CAPN1: variants seen among roughly 807,000 people sequenced by gnomAD.
The protein encoded by CAPN1 is calpain 1, also known as calpain-1 catalytic subunit.
A neutral mutation model predicts 105.2 loss-of-function variants in CAPN1; 77 were observed. The observed-to-expected ratio is 0.73, with a 90% CI of 0.61 to 0.88. CAPN1 has a LOEUF of 0.88. Ranked by LOEUF, CAPN1 falls within the 40% of genes least tolerant of loss-of-function variation. The pLI is 0.00. For missense variants in CAPN1, 833 were observed against 976.6 expected (o/e 0.85, Z 1.96); for synonymous variants, 355 against 388.8 (o/e 0.91, Z 1.02).
intron 10 of CAPN1, among the ~76,000 whole-genome samples, chr11:65,197,754 G>T (rs879762547): frequency 2.0e-5 from 3 of 152,026 alleles, no homozygotes; most frequent in Non-Finnish European, 4.4e-5. Context: ...GGGCAAGGTG[G>T]GTAGGTGCCT....
At chr11:65,193,454 G>A (rs1435067028) in intron 10 of CAPN1, among the ~76,000 whole-genome samples, 2 of 151,254 alleles carry the variant, frequency 1.3e-5, no homozygotes, top group Non-Finnish European at 2.9e-5. Flanking sequence ...GACCATCCTG[G>A]CCAACACAGT....
At chr11:65,193,841 C>G (rs542730594) in intron 10 of CAPN1, among the ~76,000 whole-genome samples, 1 of 151,880 alleles carries the variant, frequency 6.6e-6, no homozygotes, top group Non-Finnish European at 1.5e-5. Flanking sequence ...GTGATCCTCT[C>G]ACTTCAGCCT....
At chr11:65,187,363 C>T (rs1948649326) in intron 7 of CAPN1, 65 bp downstream of exon 7, 8 of 1,103,688 alleles carry the variant, frequency 7.2e-6, no homozygotes, top group South Asian at 2.6e-5. Context: ...CCTTGCCTCT[C>T]TGGCACCTGA....
intron 10 of CAPN1, among the ~76,000 whole-genome samples, chr11:65,203,897 A>G (rs994083278): frequency 1.3e-5 from 2 of 151,700 alleles, no homozygotes; most frequent in African/African-American, 4.8e-5. Context: ...ATTATTGTCA[A>G]TGGAGGGCAG....
Position 65,209,660 on chromosome 11 carries a change from TC to T in CAPN1, c.1795-187del, listed in dbSNP as rs2137399462. 1 of 660,408 alleles carries T rather than the reference TC, an allele frequency of 1.5e-6. No homozygotes were observed. The highest frequency in any genetic ancestry group is 1.9e-5 in the South Asian group (1 of 53,910). 40.9% of individuals were successfully genotyped at this position (660,408 alleles called of 1,614,324 possible). On this transcript the variant is annotated intron_variant, in intron 17 of 21. Coordinates refer to ENST00000279247, the MANE Select transcript of CAPN1 (RefSeq NM_005186.4). This position sits in a 1 kb window ranked among gnomAD's most constrained non-coding sequence, Gnocchi z 4.1. ...TATTTCTGACCCCTCCCCAGCCCACTCCACTGCAGCCCAGCTCAGAGAATAA... is the reference window on the plus strand; with the variant it reads ...TATTTCTGACCCCTCCCCAGCCCACTCACTGCAGCCCAGCTCAGAGAATAA...
chr11:65,208,335 T>C lies in CAPN1; in HGVS notation c.1729+73T>C, dbSNP rs1948995281. The C allele has an allele frequency of 2.2e-6, 3 of 1,372,680 alleles. No homozygotes were observed. Among genetic ancestry groups the C allele is most frequent in the Admixed American group, 2.0e-5 (1 of 50,806 alleles). The allele number at this position is 1,372,680 out of a possible 1,614,324, so 85.0% of individuals were successfully genotyped here. The stretch of plus-strand genomic sequence containing the variant: ...CAGAATCCAGGCTCCTGCTCACACA[T>C]TGAGCTGAACCTCATCCCTTGGTCT... On this transcript the variant is annotated intron_variant, in intron 16 of 21. Transcript: ENST00000279247. The surrounding 1 kb of genome is among the most constrained non-coding windows in gnomAD (Gnocchi z 4.1).
At chr11:65,195,806 T>C (rs892733114) in intron 10 of CAPN1, among the ~76,000 whole-genome samples, 1 of 152,142 alleles carries the variant, frequency 6.6e-6, no homozygotes, top group African/African-American at 2.4e-5. Context: ...TGAGGATTGG[T>C]GTTAATTTGT....
Position 65,211,777 on chromosome 11 carries a change from C to T in CAPN1, c.*491C>T, listed in dbSNP as rs114736414. On this transcript the variant is annotated 3_prime_UTR_variant, in exon 22 of 22. Coordinates refer to ENST00000279247, the MANE Select transcript of CAPN1 (RefSeq NM_005186.4). ...CTGTGCCTTCCTGCGCCGAAGCCAACGCCCCCTCTGTCCTTCCCTGGCCCT... is the reference window on the plus strand; with the variant it reads ...CTGTGCCTTCCTGCGCCGAAGCCAATGCCCCCTCTGTCCTTCCCTGGCCCT... 1,430 of 165,406 alleles carry T rather than the reference C, an allele frequency of 8.6e-3. 17 individuals carry two copies. The highest frequency in any genetic ancestry group is 0.031 in the African/African-American group (1,313 of 42,224). 10.2% of individuals were successfully genotyped at this position (165,406 alleles called of 1,614,324 possible).
intron 14 of CAPN1, among the ~76,000 whole-genome samples, chr11:65,207,199 CTTTTTTTTTT>C (rs34786351): frequency 1.8e-5 from 2 of 113,358 alleles, no homozygotes; most frequent in East Asian, 2.5e-4. Context: ...AAACTCTTGC[CTTTTTTTTTT>C]TTTTTTTTTT....
At position 65,211,838 on chromosome 11, in the gene CAPN1, C is replaced by T. The variant is rs770583521; in HGVS notation, c.*552C>T. The T allele has an allele frequency of 5.7e-5, 9 of 158,928 alleles. No homozygotes were observed. The highest frequency in any genetic ancestry group is 1.8e-4 in the South Asian group (1 of 5,434). The allele number at this position is 158,928 out of a possible 1,614,324, so 9.8% of individuals were successfully genotyped here. A position where few individuals can be genotyped will look rare whatever the true frequency, so the allele number is the denominator to read the frequency against. ...AGGAGCTGCCCAGCCTGTGGGCGGTCGGCCTTCCCTCCTTCGCTCCTTTTT... is the reference window on the plus strand; with the variant it reads ...AGGAGCTGCCCAGCCTGTGGGCGGTTGGCCTTCCCTCCTTCGCTCCTTTTT... On this transcript the variant is annotated 3_prime_UTR_variant, in exon 22 of 22. Transcript: ENST00000279247.
In CAPN1 at chr11:65,209,219, G is replaced by C; in HGVS notation, c.1730-104G>C. The C allele has an allele frequency of 1.2e-6, 1 of 821,034 alleles. No individual in the cohort carries two copies. 50.9% of individuals were successfully genotyped at this position (821,034 alleles called of 1,614,324 possible). A position where few individuals can be genotyped will look rare whatever the true frequency, so the allele number is the denominator to read the frequency against. ...CCTCTGCCAGATATTGCACCCACTC[G>C]TCAGGATTTGTGCGTCCTTGACTCT... On this transcript the variant is annotated intron_variant, in intron 16 of 21. Coordinates refer to ENST00000279247, the MANE Select transcript of CAPN1 (RefSeq NM_005186.4). The surrounding 1 kb of genome is among the most constrained non-coding windows in gnomAD (Gnocchi z 4.1).
Position 65,210,777 on chromosome 11 carries a change from G to A in CAPN1, c.2060-37G>A. On this transcript the variant is annotated intron_variant, in intron 20 of 21. Coordinates refer to ENST00000279247, the MANE Select transcript of CAPN1 (RefSeq NM_005186.4). This position sits in a 1 kb window ranked among gnomAD's most constrained non-coding sequence, Gnocchi z 4.3. ...TGGCCCTGCGTGAATATCCCACTGAGTTTTCAGCCCTGTATCACCTTTTCT... is the reference window on the plus strand; with the variant it reads ...TGGCCCTGCGTGAATATCCCACTGAATTTTCAGCCCTGTATCACCTTTTCT... 3 of 1,576,712 alleles carry A rather than the reference G, an allele frequency of 1.9e-6. No individual in the cohort carries two copies. The South Asian group carries it at 3.3e-5, about 17-fold the overall frequency.
chr11:65,208,557 C>T lies in CAPN1; in HGVS notation c.1729+295C>T, dbSNP rs371480696. 2.4e-5 allele frequency: 12 copies of T among 490,050 alleles called. No individual in the cohort carries two copies. The highest frequency in any genetic ancestry group is 7.8e-5 in the African/African-American group (4 of 51,366). 30.4% of individuals were successfully genotyped at this position (490,050 alleles called of 1,614,324 possible). A position where few individuals can be genotyped will look rare whatever the true frequency, so the allele number is the denominator to read the frequency against. ...CACTCTGGGAGGCCGAGGCAGGAGT[C>T]GCTTCAGCCCAGGAGTTCAACACCA... is the stretch of plus-strand genomic sequence containing the variant. On this transcript the variant is annotated intron_variant, in intron 16 of 21. Coordinates refer to ENST00000279247, the MANE Select transcript of CAPN1 (RefSeq NM_005186.4). The surrounding 1 kb of genome is among the most constrained non-coding windows in gnomAD (Gnocchi z 4.1).
chr11:65,205,571 C>T (rs968505318), intron 11 of CAPN1, 139 bp from the exon 12 acceptor site: 2 of 797,994 alleles, frequency 2.5e-6, no homozygotes, highest in African/African-American at 3.4e-5. Context: ...GGGACCAGAT[C>T]TGGGTCCCCA....
chr11:65,187,170 C>CG, intron 6 of CAPN1, 45 bp from the exon 7 acceptor site: 2 of 1,417,344 alleles, frequency 1.4e-6, no homozygotes, highest in Non-Finnish European at 9.9e-7. Context: ...TCTGATAGGG[C>CG]GGGGGGACCT....
In CAPN1 at chr11:65,188,167, C is replaced by T; in HGVS notation, c.929+127C>T. ...AGCAGAGGGGCCCATCTTCGCGCGA[C>T]TGGGTCTGGGGGACTGCTCTGACAA... On this transcript the variant is annotated intron_variant, in intron 8 of 21. Coordinates refer to ENST00000279247, the MANE Select transcript of CAPN1 (RefSeq NM_005186.4). This position sits in a 1 kb window ranked among gnomAD's most constrained non-coding sequence, Gnocchi z 5.5. The T allele has an allele frequency of 1.3e-6, 1 of 745,246 alleles. No individual in the cohort carries two copies. The allele number at this position is 745,246 out of a possible 1,614,324, so 46.2% of individuals were successfully genotyped here. A position where few individuals can be genotyped will look rare whatever the true frequency, so the allele number is the denominator to read the frequency against.
At position 65,183,506 on chromosome 11, in the gene CAPN1, C is replaced by G. The variant is rs370999727; in HGVS notation, c.370C>G (p.Leu124Val). ...CTGGCTCTTGGCGGCCATCGCCTCC[C>G]TCACTCTCAACGACACCCTCCTGCA... ...DCWLLAAIAS[L>V]TLNDTLLHRV... Residue 124 changes from leucine to valine, a missense_variant, in exon 4 of 22, where the codon CTC becomes GTC. Transcript: ENST00000279247. 3 of 1,613,770 alleles carry G rather than the reference C, an allele frequency of 1.9e-6. No homozygotes were observed. Among genetic ancestry groups the G allele is most frequent in the Non-Finnish European group, 2.5e-6 (3 of 1,179,780 alleles).
intron 10 of CAPN1, among the ~76,000 whole-genome samples, chr11:65,191,475 T>C (rs1468152690): frequency 6.6e-6 from 1 of 152,190 alleles, no homozygotes. Flanking sequence ...GCTTCCCTGG[T>C]TCAAGTGATT....
At chr11:65,181,645 G>T (rs1327857420), upstream of CAPN1, 2 of 337,802 alleles carry the variant, frequency 5.9e-6, no homozygotes, top group Non-Finnish European at 1.2e-5. The surrounding 1 kb of genome is among the most constrained non-coding windows in gnomAD (Gnocchi z 4.6). Context: ...TCCGTTCCCC[G>T]CGGTGCCCTT....
Sources: allele counts gnomAD v4.1 joint callset (sites outside exome capture counted in the v4.1 genomes callset), GRCh38; gene constraint gnomAD v4.1.1; non-coding constraint Gnocchi (gnomAD v3.1); transcripts MANE v1.5; gene names NCBI Gene and HGNC (gene_info 2026-07-23, HGNC 2026-07-21).